Variants in VARS1 observed in about 807,000 individuals in gnomAD.
VARS1 encodes valyl-tRNA synthetase 1.
A neutral mutation model predicts 161.0 loss-of-function variants in VARS1; 92 were observed. The observed-to-expected ratio is 0.57, with a 90% CI of 0.48 to 0.68. The LOEUF is 0.68. Among genes scored for constraint, VARS1 ranks in the 30% least tolerant of loss-of-function variants. The pLI, the probability that VARS1 is intolerant of heterozygous loss-of-function variation, is 0.00. For missense variants in VARS1, 1,338 were observed against 1,695.9 expected (o/e 0.79, Z 3.71); for synonymous variants, 595 against 682.5 (o/e 0.87, Z 2.00).
rs2273613 is a variant in VARS1, at chr6:31,782,740, T to C, written c.1868A>G (p.Asn623Ser). Residue 623 changes from asparagine (N) to serine (S), a missense_variant, in exon 15 of 30, where the codon AAT (asparagine) becomes AGT (serine). Asn to Ser is a conservative substitution (Grantham distance 46). Around this residue, in one of 3 missense-constraint regions of VARS1, gnomAD observed 902 missense variants for 1,090.3 expected, o/e 0.83. Transcript: ENST00000375663. The surrounding 1 kb of genome is among the most constrained non-coding windows in gnomAD (Gnocchi z 8.3). Reference protein sequence around the residue: ...SIMDSRGALINVPPPFLGLPR... With the variant: ...SIMDSRGALISVPPPFLGLPR... ...CCTCACCAGGAAAGGCGGAGGCACA[T>C]TGATGAGGGCCCCCCGGGAGTCCAT... 17,539 of 1,613,016 alleles carry C rather than the reference T, an allele frequency of 0.011. 171 individuals carry two copies. Among genetic ancestry groups the C allele is most frequent in the South Asian group, 0.038 (3,474 of 91,072 alleles).
Position 31,779,561 on chromosome 6 carries a change from G to A in VARS1, c.3289-25C>T, listed in dbSNP as rs1251884037. 1 of 1,611,804 alleles carries A rather than the reference G, an allele frequency of 6.2e-7. No individual in the cohort carries two copies. Among genetic ancestry groups the A allele is most frequent in the Non-Finnish European group, 8.5e-7 (1 of 1,179,288 alleles). ...ACTGTGGGGTGGAGGAGGGGGTGAG[G>A]GGGCCTGGAGGGCAGGTCAGACTCC... is the stretch of plus-strand genomic sequence containing the variant. On this transcript the variant is annotated intron_variant, in intron 27 of 29. Coordinates refer to ENST00000375663, the MANE Select transcript of VARS1 (RefSeq NM_006295.3). The surrounding 1 kb of genome is among the most constrained non-coding windows in gnomAD (Gnocchi z 9.1).
chr6:31,782,295 C>A lies in VARS1; in HGVS notation c.2140G>T (p.Asp714Tyr). 6.2e-7 allele frequency: 1 copy of A among 1,612,688 alleles called. No individual in the cohort carries two copies. The highest frequency in any genetic ancestry group is 8.5e-7 in the Non-Finnish European group (1 of 1,179,638). ...GAGGACCCTACACACCGGATGTTGT[C>A]CATCCAGGCATGCCATGTGCGCTGA... ...AHQRTWHAWM[D>Y]NIREWCISRQ... is the part of the protein sequence containing the mutation. The change falls in exon 17 of 30, where the codon GAC becomes TAC. Residue 714 changes from aspartate to tyrosine, a missense_variant. Asp to Tyr is a radical substitution (Grantham distance 160). Transcript: ENST00000375663. This position sits in a 1 kb window ranked among gnomAD's most constrained non-coding sequence, Gnocchi z 8.3.
Position 31,781,406 on chromosome 6 carries a change from C to T in VARS1, c.2544+75G>A, listed in dbSNP as rs935842529. 7.0e-6 allele frequency: 11 copies of T among 1,564,848 alleles called. No individual in the cohort carries two copies. The highest frequency in any genetic ancestry group is 4.6e-5 in the East Asian group (2 of 43,170). On this transcript the variant is annotated intron_variant, in intron 21 of 29. Transcript: ENST00000375663. This position sits in a 1 kb window ranked among gnomAD's most constrained non-coding sequence, Gnocchi z 6.8. ...CAGCTAACCCCATGCCCCAGCCACG[C>T]GGGGTCTGCGCTGCAGCACAGGACG...
At position 31,780,192 on chromosome 6, in the gene VARS1, A is replaced by G; in HGVS notation, c.2926-39T>C. 3 of 1,608,130 alleles carry G rather than the reference A, an allele frequency of 1.9e-6. No individual in the cohort carries two copies. Among genetic ancestry groups the G allele is most frequent in the Non-Finnish European group, 2.5e-6 (3 of 1,179,000 alleles). ...GGTGTATCAGCCGGCGGGCCAGGGG[A>G]GGGTGCCAGAACCCCATGGGGGCAG... On this transcript the variant is annotated intron_variant, in intron 25 of 29. Coordinates refer to ENST00000375663, the MANE Select transcript of VARS1 (RefSeq NM_006295.3). The surrounding 1 kb of genome is among the most constrained non-coding windows in gnomAD (Gnocchi z 5.1).
In VARS1 at chr6:31,791,954, G is replaced by A; in HGVS notation, c.889C>T (p.Pro297Ser). ...ACATACCGAGGGCTGTAGGAGTCGG[G>A]CATGGGGCCACTGACATCTGGGGGA... ...GEKKDVSGPM[P>S]DSYSPRYVEA... Residue 297 changes from proline (P) to serine (S), a missense_variant, in exon 7 of 30, where the codon CCC (proline) becomes TCC (serine). Pro to Ser is a moderately conservative substitution (Grantham distance 74). Coordinates refer to ENST00000375663, the MANE Select transcript of VARS1 (RefSeq NM_006295.3). This position sits in a 1 kb window ranked among gnomAD's most constrained non-coding sequence, Gnocchi z 5.0. 1 of 1,595,732 alleles carries A rather than the reference G, an allele frequency of 6.3e-7. No individual in the cohort carries two copies. The highest frequency in any genetic ancestry group is 8.5e-7 in the Non-Finnish European group (1 of 1,169,846).
At chr6:31,790,569 T>C (rs1361372989) in intron 8 of VARS1, among the ~76,000 whole-genome samples, 2 of 111,910 alleles carry the variant, frequency 1.8e-5, no homozygotes, top group African/African-American at 7.0e-5. Flanking sequence ...GCCACTGTAC[T>C]CCAGCCTGAG....
chr6:31,792,358 A>G (rs1307176416), intron 5 of VARS1, 34 bp downstream of exon 5: 9 of 1,613,862 alleles, frequency 5.6e-6, no homozygotes, highest in Non-Finnish European at 7.6e-6. Context: ...CACCGCACAC[A>G]TCAACTTTCC....
chr6:31,781,474 T>C lies in VARS1; in HGVS notation c.2544+7A>G. 6.2e-7 allele frequency: 1 copy of C among 1,611,480 alleles called. No individual in the cohort carries two copies. The highest frequency in any genetic ancestry group is 1.3e-5 in the African/African-American group (1 of 74,968). ...GGGCGATGGGAGGGTCTCGGCTGTC[T>C]CCGCACCTCTCTAAAGGGCAGCCTG... On this transcript the variant is annotated splice_region_variant and intron_variant, in intron 21 of 29. Transcript: ENST00000375663. The surrounding 1 kb of genome is among the most constrained non-coding windows in gnomAD (Gnocchi z 6.8).
Position 31,779,213 on chromosome 6 carries a change from T to C in VARS1, c.3480A>G (p.Ala1160=). Residue 1160 remains alanine, a synonymous_variant, in exon 29 of 30, where the codon GCA becomes GCG. Coordinates refer to ENST00000375663, the MANE Select transcript of VARS1 (RefSeq NM_006295.3). The surrounding 1 kb of genome is among the most constrained non-coding windows in gnomAD (Gnocchi z 9.1). The part of the protein sequence containing the change: ...VSGYVQALAS[A]GVVAVLALGA... The stretch of plus-strand genomic sequence containing the variant: ...CCAGGGCCAGAACAGCCACCACACC[T>C]GCGCTGGCCAGGGCCTGCACGTAGC... 1 of 1,607,298 alleles carries C rather than the reference T, an allele frequency of 6.2e-7. No individual in the cohort carries two copies. Among genetic ancestry groups the C allele is most frequent in the Non-Finnish European group, 8.5e-7 (1 of 1,178,840 alleles).
In VARS1 at chr6:31,793,102, C is replaced by T; in HGVS notation, c.406G>A (p.Gly136Ser). The T allele has an allele frequency of 1.9e-6, 3 of 1,601,534 alleles. No individual in the cohort carries two copies. The highest frequency in any genetic ancestry group is 2.5e-6 in the Non-Finnish European group (3 of 1,177,148). The change falls in exon 3 of 30, where the codon GGC (glycine) becomes AGC (serine). Residue 136 changes from glycine (G) to serine (S), a missense_variant. Around this residue, in one of 3 missense-constraint regions of VARS1, gnomAD observed 902 missense variants for 1,090.3 expected, o/e 0.83. Coordinates refer to ENST00000375663, the MANE Select transcript of VARS1 (RefSeq NM_006295.3). ...TCCTCCAAGGGGCTCAGGGCCCTGC[C>T]CAGGGCCCCCAGCACAGCCTGGCAG... Reference protein sequence around the residue: ...QDPQAVLGALGRALSPLEEWL... With the variant: ...QDPQAVLGALSRALSPLEEWL...
chr6:31,794,079 A>G (rs1814085987), intron 2 of VARS1, among the ~76,000 whole-genome samples: 1 of 141,688 alleles, frequency 7.1e-6, no homozygotes, highest in South Asian at 2.3e-4. Context: ...GGGCAACAGA[A>G]GGAGATTCTG....
At position 31,780,796 on chromosome 6, in the gene VARS1, G is replaced by C. The variant is rs541784233; in HGVS notation, c.2719-13C>G. The C allele has an allele frequency of 6.2e-7, 1 of 1,614,186 alleles. No individual in the cohort carries two copies. The highest frequency in any genetic ancestry group is 1.3e-5 in the African/African-American group (1 of 75,066). On this transcript the variant is annotated splice_polypyrimidine_tract_variant and intron_variant, in intron 23 of 29. Coordinates refer to ENST00000375663, the MANE Select transcript of VARS1 (RefSeq NM_006295.3). This position sits in a 1 kb window ranked among gnomAD's most constrained non-coding sequence, Gnocchi z 5.1. ...GGAAGTCAGCTTTCTACAGGGAAGA[G>C]GCAGGGGGAGGAGCGTCCTCAGCCA...
Position 31,781,485 on chromosome 6 carries a change from C to A in VARS1, c.2540G>T (p.Arg847Ile), listed in dbSNP as rs780355160. The A allele has an allele frequency of 6.2e-7, 1 of 1,612,476 alleles. No individual in the cohort carries two copies. Among genetic ancestry groups the A allele is most frequent in the Non-Finnish European group, 8.5e-7 (1 of 1,179,878 alleles). Residue 847 changes from arginine to isoleucine, a missense_variant, in exon 21 of 30, where the codon AGA becomes ATA. Physicochemically the swap from Arg to Ile is moderately conservative, Grantham distance 97 (BLOSUM62 -3). Coordinates refer to ENST00000375663, the MANE Select transcript of VARS1 (RefSeq NM_006295.3). The surrounding 1 kb of genome is among the most constrained non-coding windows in gnomAD (Gnocchi z 6.8). ...GGGTCTCGGCTGTCTCCGCACCTCT[C>A]TAAAGGGCAGCCTGCCCGTGAGCTT... Reference protein sequence around the residue: ...GLKLTGRLPFREVYLHAIVRD... With the variant: ...GLKLTGRLPFIEVYLHAIVRD...
In VARS1 at chr6:31,784,844, A is replaced by T; in HGVS notation, c.1348-130T>A. Reference sequence around the variant, plus strand: ...CCAGCACAAAGACCCCTCTGAGGGGAGTACTTTCCTTCTTTCCTTGAGGGG... The same window carrying T: ...CCAGCACAAAGACCCCTCTGAGGGGTGTACTTTCCTTCTTTCCTTGAGGGG... On this transcript the variant is annotated intron_variant, in intron 10 of 29. Coordinates refer to ENST00000375663, the MANE Select transcript of VARS1 (RefSeq NM_006295.3). This position sits in a 1 kb window ranked among gnomAD's most constrained non-coding sequence, Gnocchi z 6.1. The T allele has an allele frequency of 1.5e-6, 2 of 1,347,746 alleles. No homozygotes were observed. The highest frequency in any genetic ancestry group is 2.8e-5 in the South Asian group (2 of 72,066). 83.5% of individuals were successfully genotyped at this position (1,347,746 alleles called of 1,614,324 possible).
chr6:31,781,807 C>T lies in VARS1; in HGVS notation c.2347+40G>A. ...GAGGTCAGAGGGAGTGGAGCTCTGCCCCCCACAACTCCCTCCAGACCCTCA... is the reference window on the plus strand; with the variant it reads ...GAGGTCAGAGGGAGTGGAGCTCTGCTCCCCACAACTCCCTCCAGACCCTCA... On this transcript the variant is annotated intron_variant, in intron 19 of 29. Coordinates refer to ENST00000375663, the MANE Select transcript of VARS1 (RefSeq NM_006295.3). This position sits in a 1 kb window ranked among gnomAD's most constrained non-coding sequence, Gnocchi z 6.8. 6.2e-7 allele frequency: 1 copy of T among 1,612,878 alleles called. No homozygotes were observed. Among genetic ancestry groups the T allele is most frequent in the South Asian group, 1.1e-5 (1 of 91,082 alleles).
Position 31,791,485 on chromosome 6 carries a change from G to C in VARS1, c.1100+125C>G. On this transcript the variant is annotated intron_variant, in intron 8 of 29. Coordinates refer to ENST00000375663, the MANE Select transcript of VARS1 (RefSeq NM_006295.3). The surrounding 1 kb of genome is among the most constrained non-coding windows in gnomAD (Gnocchi z 5.0). ...TCAGATTGGAATGACAGAGAGAAGT[G>C]TAGCACCACTGGGGGCAGAAGTGAG... The C allele has an allele frequency of 7.5e-7, 1 of 1,341,946 alleles. No homozygotes were observed. The highest frequency in any genetic ancestry group is 1.5e-5 in the African/African-American group (1 of 67,766). The allele number at this position is 1,341,946 out of a possible 1,614,324, so 83.1% of individuals were successfully genotyped here.
rs1367383060 is a variant in VARS1, at chr6:31,795,178, G to A, written c.40C>T (p.Pro14Ser). ...GCGGCTATGAGGGCTCGGAGGCTGG[G>A]GAAGGCATCTGGGTGAGGGGAGACG... ...LYVSPHPDAF[P>S]SLRALIAARY... Residue 14 changes from proline (P) to serine (S), a missense_variant, in exon 2 of 30, where the codon CCC (proline) becomes TCC (serine). Around this residue, in one of 3 missense-constraint regions of VARS1, gnomAD observed 902 missense variants for 1,090.3 expected, o/e 0.83. Coordinates refer to ENST00000375663, the MANE Select transcript of VARS1 (RefSeq NM_006295.3). This position sits in a 1 kb window ranked among gnomAD's most constrained non-coding sequence, Gnocchi z 6.9. 2.0e-6 allele frequency: 3 copies of A among 1,476,134 alleles called. No individual in the cohort carries two copies. The highest frequency in any genetic ancestry group is 2.7e-6 in the Non-Finnish European group (3 of 1,114,452). 91.4% of individuals were successfully genotyped at this position (1,476,134 alleles called of 1,614,324 possible).
intron 2 of VARS1, among the ~76,000 whole-genome samples, chr6:31,794,063 C>T (rs537787259): frequency 1.2e-4 from 16 of 137,386 alleles, no homozygotes; most frequent in Admixed American, 3.9e-4. Flanking sequence ...CGTGGCACTC[C>T]AGCCTGGGCA....
At chr6:31,793,251 A>G in intron 2 of VARS1, 131 bp from the exon 3 acceptor site, 1 of 1,242,530 alleles carries the variant, frequency 8.0e-7, no homozygotes, top group East Asian at 2.6e-5. Context: ...TCTTCACTCA[A>G]ATAGTCACAA....
Sources: gnomAD v4.1 joint callset for allele counts (sites outside exome capture counted in the v4.1 genomes callset) on GRCh38, gnomAD v4.1.1 for gene constraint, gnomAD v4.1.1 regional missense constraint, Gnocchi (gnomAD v3.1) non-coding constraint, MANE v1.5 for transcripts, NCBI Gene and HGNC (gene_info 2026-07-23, HGNC 2026-07-21) for gene names.